The following TENM4 variants were observed in gnomAD, a reference collection of about 807,000 sequenced individuals.
TENM4 encodes teneurin-4.
TENM4 carries 82 observed loss-of-function variants against 243.3 expected under a neutral mutation model. The observed-to-expected ratio is 0.34, with a 90% CI of 0.28 to 0.40. The LOEUF (loss-of-function observed/expected upper bound fraction) is 0.40. TENM4 is among the 10% of genes least tolerant of loss of function. TENM4 has a pLI of 1.00. For synonymous variants in TENM4, 1,412 were observed against 1,456.3 expected (o/e 0.97, Z 0.69); for missense variants, 3,138 against 3,673.3 (o/e 0.85, Z 3.77).
chr11:79,241,390 T>C (rs1864586446), intron 2 of TENM4, among the ~76,000 whole-genome samples: 1 of 152,068 alleles, frequency 6.6e-6, no homozygotes, highest in Non-Finnish European at 1.5e-5. Context: ...CTCAGCATCC[T>C]GTAGCCTGTG....
intron 4 of TENM4, among the ~76,000 whole-genome samples, chr11:79,146,535 C>G (rs1358146599): frequency 1.3e-5 from 2 of 152,148 alleles, no homozygotes; most frequent in South Asian, 2.1e-4. Flanking sequence ...CACAGTCTCT[C>G]TAGCCACCGA....
intron 4 of TENM4, among the ~76,000 whole-genome samples, chr11:79,116,738 C>T (rs1010488907): frequency 9.2e-5 from 14 of 152,162 alleles, no homozygotes; most frequent in African/African-American, 2.9e-4. Flanking sequence ...CGAAATATAT[C>T]GCCTGGGGCC....
chr11:79,085,112 C>T (rs1004509356), intron 4 of TENM4, among the ~76,000 whole-genome samples: 1 of 151,916 alleles, frequency 6.6e-6, no homozygotes, highest in African/African-American at 2.4e-5. Context: ...GTGGCTCATG[C>T]CTGTAATCCC....
chr11:78,778,517 T>A, intron 17 of TENM4, 85 bp downstream of exon 17: 1 of 1,389,772 alleles, frequency 7.2e-7, no homozygotes, highest in Non-Finnish European at 1.0e-6. Flanking sequence ...TGTATATACA[T>A]TTTTATATAC....
chr11:79,380,613 C>T (rs1326772988), intron 1 of TENM4, among the ~76,000 whole-genome samples: 1 of 152,208 alleles, frequency 6.6e-6, no homozygotes, highest in Non-Finnish European at 1.5e-5. Context: ...TGCAGGACTT[C>T]TCAGAATCTT....
At chr11:79,080,300 C>G (rs1043656916) in intron 4 of TENM4, among the ~76,000 whole-genome samples, 1 of 152,182 alleles carries the variant, frequency 6.6e-6, no homozygotes, top group African/African-American at 2.4e-5. Flanking sequence ...TCTTGATCCT[C>G]GAAGAGCCCA....
At chr11:78,801,224 G>A (rs619014) in intron 15 of TENM4, among the ~76,000 whole-genome samples, 1,678 of 152,126 alleles carry the variant, frequency 0.011, 29 homozygotes, top group African/African-American at 0.032. Context: ...GTCATTCCCC[G>A]CTTCCAACTC....
chr11:78,981,328 T>C (rs1245101802), intron 6 of TENM4, among the ~76,000 whole-genome samples: 1 of 152,180 alleles, frequency 6.6e-6, no homozygotes, highest in Non-Finnish European at 1.5e-5. Context: ...ACACCCATTA[T>C]CTCATTGCAT....
intron 20 of TENM4, 22 bp from the exon 21 acceptor site, chr11:78,732,599 A>G: frequency 1.3e-6 from 2 of 1,578,728 alleles, no homozygotes; most frequent in East Asian, 4.5e-5. Context: ...GGGAAGGTTG[A>G]GAAGGGGCGG....
intron 1 of TENM4, among the ~76,000 whole-genome samples, chr11:79,407,520 C>T (rs1011256722): frequency 6.6e-6 from 1 of 152,236 alleles, no homozygotes; most frequent in South Asian, 2.1e-4. Flanking sequence ...CCAAGGCTTA[C>T]AGAGGTTAAG....
intron 6 of TENM4, among the ~76,000 whole-genome samples, chr11:79,058,133 C>T (rs1271788075): frequency 4.6e-5 from 7 of 152,094 alleles, no homozygotes; most frequent in Non-Finnish European, 1.0e-4. Context: ...CTAATATTGA[C>T]AAAGAAGTTT....
intron 1 of TENM4, among the ~76,000 whole-genome samples, chr11:79,327,641 T>C (rs1040725613): frequency 3.6e-5 from 5 of 140,510 alleles, no homozygotes; most frequent in Admixed American, 1.5e-4. Context: ...AGAGTCAGAA[T>C]TGGAAAGCTT....
intron 1 of TENM4, among the ~76,000 whole-genome samples, chr11:79,335,122 C>T (rs573164286): frequency 1.1e-4 from 16 of 152,300 alleles, no homozygotes; most frequent in Middle Eastern, 6.8e-3. Context: ...ATTTCCTTTT[C>T]GAGTGGGAGC....
chr11:78,729,401 C>G lies in TENM4; in HGVS notation c.3381G>C (p.Lys1127Asn), dbSNP rs774086084. 23 of 1,582,132 alleles carry G rather than the reference C, an allele frequency of 1.5e-5. No homozygotes were observed. Among genetic ancestry groups the G allele is most frequent in the Non-Finnish European group, 1.9e-5 (22 of 1,162,840 alleles). ...CAAAGGCTTCTGAAAGCCCAAACAC[C>G]TTCTGGTTGTAGACGTCTGTCTTGT... ...IWDKTDVYNQ[K>N]VFGLSEAFVS... is the part of the protein sequence containing the mutation. The change falls in exon 22 of 34, where the codon AAG (lysine) becomes AAC (asparagine). Residue 1127 changes from lysine to asparagine, a missense_variant. Around this residue, in one of 2 missense-constraint regions of TENM4, gnomAD observed 2,467 missense variants for 3,059.1 expected, o/e 0.81. Transcript: ENST00000278550.
rs1329558335 is a variant in TENM4 at position 79,166,195 on chromosome 11, A to G, written c.-162-17389T>C. On this transcript the variant is annotated intron_variant, in intron 3 of 33. Coordinates refer to ENST00000278550, the MANE Select transcript of TENM4 (RefSeq NM_001098816.3). ...TCCATGGGGGTCTTTTACTTGTATT[A>G]TCTCTTTTGACTTGATGTAAGTCAA... 2.6e-5 allele frequency among the ~76,000 whole-genome samples: 4 copies of G among 152,174 alleles called. No individual in the cohort carries two copies. The East Asian group carries it at 5.8e-4, about 22-fold the overall frequency.
intron 6 of TENM4, among the ~76,000 whole-genome samples, chr11:79,041,115 G>A (rs183806450): frequency 3.6e-4 from 54 of 151,100 alleles, no homozygotes; most frequent in African/African-American, 1.0e-3. Context: ...CTTGGCTGGC[G>A]TGCAGTGGCA....
intron 12 of TENM4, among the ~76,000 whole-genome samples, chr11:78,839,170 A>G (rs1445211386): frequency 2.0e-5 from 3 of 152,146 alleles, no homozygotes; most frequent in Admixed American, 2.0e-4. Context: ...ATTATTCCAG[A>G]TGAAGTCTTT....
intron 1 of TENM4, among the ~76,000 whole-genome samples, chr11:79,420,082 T>C (rs73496656): frequency 0.064 from 9,682 of 152,328 alleles, 387 homozygotes; most frequent in Middle Eastern, 0.11. Flanking sequence ...CTTTGTTCCA[T>C]ATATGTATTT....
rs559720070 is a variant in TENM4, at chr11:79,346,186, G to A, written c.-320-48643C>T. Among the ~76,000 whole-genome samples the A allele has an allele frequency of 7.9e-5, 12 of 152,178 alleles. No individual in the cohort carries two copies. The East Asian group carries it at 1.5e-3, about 20-fold the overall frequency. ...CAGAGAACATTTGACTCTCCTCCTC[G>A]CGATGATGATCATTAAGCATGATGA... On this transcript the variant is annotated intron_variant, in intron 1 of 33. Transcript: ENST00000278550.
Sources: allele counts gnomAD v4.1 joint callset (sites outside exome capture counted in the v4.1 genomes callset), GRCh38; gene constraint gnomAD v4.1.1; regional missense constraint gnomAD v4.1.1; transcripts MANE v1.5; gene names NCBI Gene and HGNC (gene_info 2026-07-23, HGNC 2026-07-21).